The following CLU variants were observed in gnomAD, a reference collection of about 807,000 sequenced individuals.
The protein encoded by CLU is clusterin, also known as aging-associated protein 4.
CLU carries 25 observed loss-of-function variants against 46.4 expected under a neutral mutation model. The observed-to-expected ratio is 0.54, with a 90% CI of 0.39 to 0.75. CLU has a LOEUF of 0.75. Ranked by LOEUF, CLU falls within the 30% of genes least tolerant of loss-of-function variation. The probability of loss-of-function intolerance (pLI) is 0.00; values close to 1 mark genes in which losing one functional copy is unlikely to be tolerated. For synonymous variants in CLU, 235 were observed against 235.1 expected (o/e 1.00, Z 0.00); for missense variants, 504 against 592.1 (o/e 0.85, Z 1.54).
chr8:27,613,714 T>C (rs1226885234), intron 1 of CLU: 1 of 152,222 alleles, frequency 6.6e-6, no homozygotes, highest in Non-Finnish European at 1.5e-5. Context: ...GGCTATGTAA[T>C]ACTCCACTTA....
At chr8:27,608,765 T>C (rs1800867088) in intron 3 of CLU, 173 bp downstream of exon 3, 3 of 724,216 alleles carry the variant, frequency 4.1e-6, no homozygotes, top group African/African-American at 1.7e-5. Flanking sequence ...CCCTGATGCT[T>C]TCAGAAGCAA....
chr8:27,601,472 GTCAGTGAGT>G (rs925314349), intron 6 of CLU, among the ~76,000 whole-genome samples: 1 of 152,242 alleles, frequency 6.6e-6, no homozygotes, highest in Non-Finnish European at 1.5e-5. Context: ...CCCATGGCTG[GTCAGTGAGT>G]TCATCAAGAG....
intron 1 of CLU, 85 bp from the exon 2 acceptor site, chr8:27,610,685 G>A (rs1294118072): frequency 3.0e-6 from 3 of 995,502 alleles, no homozygotes; most frequent in Non-Finnish European, 4.8e-6. Flanking sequence ...AGCTCCCCAG[G>A]GCCTCACTGC....
rs1452779409 is a variant in CLU at position 27,597,006 on chromosome 8, T to C, written c.*1235A>G. ...TAAGCAAATACCTCTGACCCCATAA[T>C]TCTAATTAATGTATATCATTAAGTG... On this transcript the variant is annotated 3_prime_UTR_variant, in exon 9 of 9. Coordinates refer to ENST00000316403, the MANE Select transcript of CLU (RefSeq NM_001831.4). The C allele has an allele frequency of 6.6e-6, 3 of 454,142 alleles. No individual in the cohort carries two copies. The highest frequency in any genetic ancestry group is 4.7e-5 in the South Asian group (3 of 64,480). The allele number at this position is 454,142 out of a possible 1,614,324, so 28.1% of individuals were successfully genotyped here.
rs758983858 is a variant in CLU, at chr8:27,610,662, T to A, written c.-29-62A>T. On this transcript the variant is annotated intron_variant, in intron 1 of 8. Transcript: ENST00000316403. Reference sequence around the variant, plus strand: ...ACAGCCTGCTGGCGTCCCGCCCACCTGCTGCCTGCAGCAGCTCCCCAGGGC... The same window carrying A: ...ACAGCCTGCTGGCGTCCCGCCCACCAGCTGCCTGCAGCAGCTCCCCAGGGC... 9.7e-6 allele frequency: 13 copies of A among 1,341,000 alleles called. No individual in the cohort carries two copies. The South Asian group carries it at 1.4e-4, about 14-fold the overall frequency. The allele number at this position is 1,341,000 out of a possible 1,614,324, so 83.1% of individuals were successfully genotyped here.
Position 27,598,526 on chromosome 8 carries a change from C to A in CLU, c.1274G>T (p.Arg425Met), listed in dbSNP as rs1367453554. 6.2e-7 allele frequency: 1 copy of A among 1,614,126 alleles called. No homozygotes were observed. The highest frequency in any genetic ancestry group is 8.5e-7 in the Non-Finnish European group (1 of 1,180,034). The part of the protein sequence containing the change: ...ITVTVPVEVS[R>M]KNPKFMETVA... ...GGTCTCCATAAATTTAGGGTTCTTC[C>A]TGGAGACTTCTACAGGGACCGTCAC... The change falls in exon 8 of 9, where the codon AGG becomes ATG. Residue 425 changes from arginine (R) to methionine (M), a missense_variant. By Grantham distance (91) the Arg-to-Met change is moderately conservative (BLOSUM62 -1). Transcript: ENST00000316403.
Position 27,598,030 on chromosome 8 carries a change from A to G in CLU, c.*211T>C, listed in dbSNP as rs1057023499. On this transcript the variant is annotated 3_prime_UTR_variant, in exon 9 of 9. Coordinates refer to ENST00000316403, the MANE Select transcript of CLU (RefSeq NM_001831.4). ...AAGACAGTTTTATTGAATTAGTTGCATGCAGGAGCAATTCTGTTCTTCCCA... is the reference window on the plus strand; with the variant it reads ...AAGACAGTTTTATTGAATTAGTTGCGTGCAGGAGCAATTCTGTTCTTCCCA... The G allele has an allele frequency of 1.4e-6, 1 of 700,330 alleles. No homozygotes were observed. The highest frequency in any genetic ancestry group is 2.6e-6 in the Non-Finnish European group (1 of 382,054). The allele number at this position is 700,330 out of a possible 1,614,324, so 43.4% of individuals were successfully genotyped here. A position where few individuals can be genotyped will look rare whatever the true frequency, so the allele number is the denominator to read the frequency against.
At chr8:27,613,616 T>G (rs139314143) in intron 1 of CLU, 27 of 152,326 alleles carry the variant, frequency 1.8e-4, no homozygotes, top group African/African-American at 6.5e-4. Flanking sequence ...GTTAGCACTG[T>G]GGTATATTTC....
In CLU at chr8:27,599,816, C is replaced by T. The variant is rs1303631718; in HGVS notation, c.1128G>A (p.Thr376=). 5.6e-6 allele frequency: 9 copies of T among 1,613,606 alleles called. No homozygotes were observed. The highest frequency in any genetic ancestry group is 2.7e-5 in the African/African-American group (2 of 74,932). The change falls in exon 7 of 9, where the codon ACG becomes ACA. Residue 376 remains threonine, a synonymous_variant. Coordinates refer to ENST00000316403, the MANE Select transcript of CLU (RefSeq NM_001831.4). This position sits in a 1 kb window ranked among gnomAD's most constrained non-coding sequence, Gnocchi z 4.0. ...GCAGATAGTACTGGTCTTCGCCTTG[C>T]GTGAGGTTTGCCAGCCGGGACACCC... The part of the protein sequence containing the change: ...FNWVSRLANL[T]QGEDQYYLRV...
At chr8:27,614,465 G>A in intron 1 of CLU, 190 bp downstream of exon 1, 1 of 331,568 alleles carries the variant, frequency 3.0e-6, no homozygotes, top group Non-Finnish European at 5.8e-6. Flanking sequence ...GTTGCGCCGG[G>A]GCCCCTGGCT....
At chr8:27,603,588 G>A (rs558264241) in intron 6 of CLU, among the ~76,000 whole-genome samples, 3 of 152,274 alleles carry the variant, frequency 2.0e-5, no homozygotes, top group South Asian at 2.1e-4. Flanking sequence ...CTGGTGAAAC[G>A]GAGGGGGACA....
Position 27,599,651 on chromosome 8 carries a change from G to T in CLU, c.1164+129C>A. 1 of 723,306 alleles carries T rather than the reference G, an allele frequency of 1.4e-6. No homozygotes were observed. Among genetic ancestry groups the T allele is most frequent in the Non-Finnish European group, 2.4e-6 (1 of 412,192 alleles). 44.8% of individuals were successfully genotyped at this position (723,306 alleles called of 1,614,324 possible). A position where few individuals can be genotyped will look rare whatever the true frequency, so the allele number is the denominator to read the frequency against. ...CCTGAGTGGGTGATGAGGCTTCAAG[G>T]CAACAGGGGCGCCTAAAGTTTTCTA... On this transcript the variant is annotated intron_variant, in intron 7 of 8. Transcript: ENST00000316403. The surrounding 1 kb of genome is among the most constrained non-coding windows in gnomAD (Gnocchi z 4.0).
intron 4 of CLU, 131 bp from the exon 5 acceptor site, chr8:27,605,466 C>A: frequency 2.2e-6 from 2 of 920,556 alleles, no homozygotes; most frequent in Admixed American, 2.0e-5. Context: ...TGACCAACAG[C>A]CCAGCTGGGA....
chr8:27,597,604 A>G lies in CLU; in HGVS notation c.*637T>C. Reference sequence around the variant, plus strand: ...TTCATAACGAAAACATCAATTATGCATTATAATACCAAGTACACCTTACAC... The same window carrying G: ...TTCATAACGAAAACATCAATTATGCGTTATAATACCAAGTACACCTTACAC... On this transcript the variant is annotated 3_prime_UTR_variant, in exon 9 of 9. Transcript: ENST00000316403. 2.2e-6 allele frequency: 1 copy of G among 454,166 alleles called. No homozygotes were observed. The highest frequency in any genetic ancestry group is 1.6e-5 in the South Asian group (1 of 64,480). The allele number at this position is 454,166 out of a possible 1,614,324, so 28.1% of individuals were successfully genotyped here. A position where few individuals can be genotyped will look rare whatever the true frequency, so the allele number is the denominator to read the frequency against.
chr8:27,598,050 T>C lies in CLU; in HGVS notation c.*191A>G, dbSNP rs2132848484. 1.4e-6 allele frequency: 1 copy of C among 708,972 alleles called. No individual in the cohort carries two copies. Among genetic ancestry groups the C allele is most frequent in the South Asian group, 1.5e-5 (1 of 66,744 alleles). 43.9% of individuals were successfully genotyped at this position (708,972 alleles called of 1,614,324 possible). A position where few individuals can be genotyped will look rare whatever the true frequency, so the allele number is the denominator to read the frequency against. ...GTTGCATGCAGGAGCAATTCTGTTC[T>C]TCCCATGAGCAGCAGAGTCGAGTGT... On this transcript the variant is annotated 3_prime_UTR_variant, in exon 9 of 9. Transcript: ENST00000316403.
At chr8:27,600,427 G>C (rs1280687600) in intron 6 of CLU, among the ~76,000 whole-genome samples, 1 of 152,096 alleles carries the variant, frequency 6.6e-6, no homozygotes, top group Non-Finnish European at 1.5e-5. Context: ...TAGACACGGG[G>C]TTTCTCTGTG....
intron 1 of CLU, chr8:27,611,490 T>C (rs1585257370): frequency 8.8e-6 from 4 of 456,926 alleles, no homozygotes; most frequent in African/African-American, 6.0e-5. Flanking sequence ...GCCCCGGTCT[T>C]ACACAATGGA....
Position 27,605,150 on chromosome 8 carries a change from C to CAGG in CLU, c.602_603insCCT (p.Gln201delinsHisLeu). The CAGG allele has an allele frequency of 2.5e-6, 4 of 1,614,176 alleles. No homozygotes were observed. Among genetic ancestry groups the CAGG allele is most frequent in the Non-Finnish European group, 3.4e-6 (4 of 1,180,026 alleles). Reference sequence around the variant, plus strand: ...TGAAGGGCAGGTAGTGGTAGGTATCCTGGGGCTCCCGGGTGAAGAACCTGT... The same window carrying CAGG: ...TGAAGGGCAGGTAGTGGTAGGTATCCAGGTGGGGCTCCCGGGTGAAGAACCTGT... On this transcript the variant is annotated protein_altering_variant, in exon 5 of 9. Coordinates refer to ENST00000316403, the MANE Select transcript of CLU (RefSeq NM_001831.4).
chr8:27,606,978 C>A (rs1585254842), intron 3 of CLU, among the ~76,000 whole-genome samples: 1 of 152,232 alleles, frequency 6.6e-6, no homozygotes, highest in Non-Finnish European at 1.5e-5. Context: ...GCATTCAGCA[C>A]CAAAGCCACA....
Sources: allele counts gnomAD v4.1 joint callset (sites outside exome capture counted in the v4.1 genomes callset), GRCh38; gene constraint gnomAD v4.1.1; non-coding constraint Gnocchi (gnomAD v3.1); transcripts MANE v1.5; gene names NCBI Gene and HGNC (gene_info 2026-07-23, HGNC 2026-07-21).